ATAD2B: variants seen among roughly 807,000 people sequenced by gnomAD.
The protein encoded by ATAD2B is ATPase family AAA domain-containing protein 2B.
Under a neutral mutation model 167.6 loss-of-function variants are expected in ATAD2B, and 40 were observed. That is an observed-to-expected ratio of 0.24 (90% CI 0.19 to 0.31). The LOEUF (loss-of-function observed/expected upper bound fraction) is 0.31, where lower values mean the gene tolerates loss of function less well. ATAD2B is among the 10% of genes least tolerant of loss of function. The probability of loss-of-function intolerance (pLI) is 1.00; values close to 1 mark genes in which losing one functional copy is unlikely to be tolerated. For synonymous variants in ATAD2B, 579 were observed against 596.5 expected, an observed-to-expected ratio of 0.97 and a Z score of 0.43; for missense variants, 1,242 against 1,757.2, an observed-to-expected ratio of 0.71 and a Z score of 5.24.
Position 23,885,789 on chromosome 2 carries a change from T to C in ATAD2B, c.613A>G (p.Ile205Val). ...TCTCCTGATCGACGATTCCGTCGGA[T>C]GTTAATGTTGTCCATTTCCTGTAGT... The part of the protein sequence containing the change: ...AVLQEMDNIN[I>V]RRNRRSGEVE... Residue 205 changes from isoleucine to valine, a missense_variant, in exon 5 of 28, where the codon ATC (isoleucine) becomes GTC (valine). By Grantham distance (29) the Ile-to-Val change is conservative (BLOSUM62 3). Around this residue, in one of 9 missense-constraint regions of ATAD2B, gnomAD observed 99 missense variants for 160.4 expected, o/e 0.62. Coordinates refer to ENST00000238789, the MANE Select transcript of ATAD2B (RefSeq NM_017552.4). 6.3e-7 allele frequency: 1 copy of C among 1,595,834 alleles called. No individual in the cohort carries two copies. Among genetic ancestry groups the C allele is most frequent in the Non-Finnish European group, 8.5e-7 (1 of 1,169,738 alleles).
the ATAD2B span, chr2:23,691,426 G>A: frequency 8.9e-6 from 5 of 564,866 alleles, no homozygotes; most frequent in Non-Finnish European, 3.2e-6. Context: ...TTTTTGATTT[G>A]CATCTTTTTT....
chr2:23,914,079 G>T (rs1371908317), intron 1 of ATAD2B, among the ~76,000 whole-genome samples: 1 of 152,004 alleles, frequency 6.6e-6, no homozygotes, highest in East Asian at 1.9e-4. Flanking sequence ...CAATAACCCT[G>T]TCTCTACAAA....
the ATAD2B span, chr2:23,684,672 C>T: frequency 1.5e-6 from 1 of 657,470 alleles, no homozygotes; most frequent in African/African-American, 1.8e-5. The surrounding 1 kb of genome is among the most constrained non-coding windows in gnomAD (Gnocchi z 4.4). Flanking sequence ...TCTCCTCCTC[C>T]TCCTCCTCCT....
the ATAD2B span, among the ~76,000 whole-genome samples, chr2:23,687,268 G>A: frequency 2.0e-5 from 3 of 152,182 alleles, no homozygotes; most frequent in Non-Finnish European, 2.9e-5. Flanking sequence ...CCTGCCAGGG[G>A]CAGGTGATCC....
At chr2:23,679,435 G>C in the ATAD2B span, among the ~76,000 whole-genome samples, 2 of 152,186 alleles carry the variant, frequency 1.3e-5, no homozygotes, top group Admixed American at 6.5e-5. Context: ...CCTGGAGAGT[G>C]AGTGAAAGTG....
In ATAD2B at chr2:23,885,712, A is replaced by C; in HGVS notation, c.675+15T>G. 7.0e-7 allele frequency: 1 copy of C among 1,435,422 alleles called. No individual in the cohort carries two copies. Among genetic ancestry groups the C allele is most frequent in the Non-Finnish European group, 9.6e-7 (1 of 1,042,512 alleles). The allele number at this position is 1,435,422 out of a possible 1,614,324, so 88.9% of individuals were successfully genotyped here. ...GAAAAATATTTACAAAGATTGCTAC[A>C]GCTAATATACTCACAAATTCTGTAT... On this transcript the variant is annotated intron_variant, in intron 5 of 27. Transcript: ENST00000238789.
intron 2 of ATAD2B, among the ~76,000 whole-genome samples, chr2:23,894,406 G>A (rs971204163): frequency 2.6e-5 from 4 of 151,810 alleles, no homozygotes; most frequent in African/African-American, 9.7e-5. Context: ...ACTTGAACCT[G>A]GGAGACAGAG....
chr2:23,858,697 G>A (rs1343668098), intron 12 of ATAD2B, among the ~76,000 whole-genome samples: 1 of 151,688 alleles, frequency 6.6e-6, no homozygotes, highest in African/African-American at 2.4e-5. Context: ...TGCCCGGGAT[G>A]GTCTCAAACT....
chr2:23,745,351 TGGAAGGAAGGAAGGAAAGAAGGAA>T (rs1341541613), downstream of ATAD2B, among the ~76,000 whole-genome samples: 8 of 69,928 alleles, frequency 1.1e-4, no homozygotes, highest in African/African-American at 4.5e-4. Context: ...CAGAGAGGGA[TGGAAGGAAGGAAGGAAAGAAGGAA>T]GGAAGGAAGG....
chr2:23,894,336 C>A (rs1699919033), intron 2 of ATAD2B, among the ~76,000 whole-genome samples: 1 of 151,972 alleles, frequency 6.6e-6, no homozygotes, highest in Admixed American at 6.6e-5. Flanking sequence ...ACAAAATTAG[C>A]TGGGCGTGGT....
intron 18 of ATAD2B, among the ~76,000 whole-genome samples, chr2:23,804,518 A>T (rs1308428113): frequency 2.0e-5 from 3 of 152,132 alleles, no homozygotes; most frequent in African/African-American, 7.2e-5. Context: ...AATGATAGTG[A>T]GTTTTCATTG....
At chr2:23,916,869 G>A (rs2150610168) in intron 1 of ATAD2B, among the ~76,000 whole-genome samples, 1 of 152,260 alleles carries the variant, frequency 6.6e-6, no homozygotes, top group East Asian at 1.9e-4. Context: ...AGATGAAAGG[G>A]CACTAGACCT....
chr2:23,818,074 AT>A (rs1686721956), intron 17 of ATAD2B, among the ~76,000 whole-genome samples: 1 of 27,874 alleles, frequency 3.6e-5, no homozygotes, highest in African/African-American at 1.7e-4. Flanking sequence ...TCAAACACAC[AT>A]AAACACACAC....
intron 18 of ATAD2B, among the ~76,000 whole-genome samples, chr2:23,801,075 T>C (rs1683417541): frequency 6.6e-6 from 1 of 152,142 alleles, no homozygotes; most frequent in South Asian, 2.1e-4. Context: ...TTCTTTTAAA[T>C]TCCTTATTCT....
In ATAD2B at chr2:23,926,721, G is replaced by A. The variant is rs1462141132; in HGVS notation, c.50C>T (p.Pro17Leu). Residue 17 changes from proline (P) to leucine (L), a missense_variant, in exon 1 of 28, where the codon CCT becomes CTT. Transcript: ENST00000238789. ...GGCCCCAGGCCCAGGCCCGGGACCA[G>A]GAGACTTGGACCCGAGAAGGCGGAG... ...SSLRLLGSKSPGPGPGPGAGA... is the reference protein window; with the variant it reads ...SSLRLLGSKSLGPGPGPGAGA... 5.2e-6 allele frequency: 8 copies of A among 1,549,412 alleles called. No individual in the cohort carries two copies. The highest frequency in any genetic ancestry group is 7.0e-6 in the Non-Finnish European group (8 of 1,146,752).
At chr2:23,824,509 T>C (rs1006281438) in intron 15 of ATAD2B, among the ~76,000 whole-genome samples, 9 of 152,208 alleles carry the variant, frequency 5.9e-5, no homozygotes, top group African/African-American at 2.2e-4. Context: ...CTCCCATAAT[T>C]ATCATTTAAA....
chr2:23,767,725 A>ATGG (rs1048500077), intron 22 of ATAD2B, among the ~76,000 whole-genome samples: 5 of 152,030 alleles, frequency 3.3e-5, no homozygotes, highest in East Asian at 1.9e-4. Flanking sequence ...AACTGGGGTA[A>ATGG]TGGTGGTGGT....
chr2:23,906,040 T>C (rs2150471353), intron 1 of ATAD2B, among the ~76,000 whole-genome samples: 1 of 152,190 alleles, frequency 6.6e-6, no homozygotes, highest in Middle Eastern at 3.4e-3. Flanking sequence ...CCACTTTATC[T>C]AAAAGAGAAA....
chr2:23,878,970 TAAATACCTGTTA>T (rs1208385330), intron 7 of ATAD2B, among the ~76,000 whole-genome samples: 1 of 152,148 alleles, frequency 6.6e-6, no homozygotes, highest in Non-Finnish European at 1.5e-5. Flanking sequence ...AAAACTATAA[TAAATACCTGTTA>T]AAATTAATTA....
Sources: allele counts gnomAD v4.1 joint callset (sites outside exome capture counted in the v4.1 genomes callset), GRCh38; gene constraint gnomAD v4.1.1; regional missense constraint gnomAD v4.1.1; non-coding constraint Gnocchi (gnomAD v3.1); transcripts MANE v1.5; gene names NCBI Gene and HGNC (gene_info 2026-07-23, HGNC 2026-07-21).